AP1G1: variants seen among roughly 807,000 people sequenced by gnomAD.
AP1G1 encodes the protein adaptor related protein complex 1 subunit gamma 1, also known as AP-1 complex subunit gamma-1.
Under a neutral mutation model 108.3 loss-of-function variants are expected in AP1G1, and 7 were observed. The observed-to-expected ratio is 0.06, with a 90% confidence interval of 0.04 to 0.12. AP1G1 has a LOEUF of 0.12. Ranked by LOEUF, AP1G1 falls within the 10% of genes least tolerant of loss-of-function variation. The pLI is 1.00. For synonymous variants in AP1G1, 379 were observed against 353.5 expected (o/e 1.07, Z -0.81); for missense variants, 756 against 1,010.7 (o/e 0.75, Z 3.42).
chr16:71,765,430 G>T (rs2098886850), intron 7 of AP1G1, 59 bp downstream of exon 7: 6 of 1,234,958 alleles, frequency 4.9e-6, no homozygotes, highest in East Asian at 2.4e-5. Context: ...GAAGGAAATT[G>T]TCTACTTAAA....
intron 2 of AP1G1, among the ~76,000 whole-genome samples, chr16:71,785,575 CAAAAAAAAAA>C (rs71389702): frequency 2.7e-5 from 2 of 73,130 alleles, no homozygotes; most frequent in South Asian, 4.8e-4. Context: ...AACCCTGCCT[CAAAAAAAAAA>C]AAAAAAAAAA....
At chr16:71,808,289 G>C (rs1038693159) in intron 1 of AP1G1, 16 of 852,688 alleles carry the variant, frequency 1.9e-5, no homozygotes, top group Admixed American at 1.4e-4. Flanking sequence ...GGTTCCGAGA[G>C]GACGGCACTG....
rs759081766 is a variant in AP1G1 at position 71,753,042 on chromosome 16, T to TTC, written c.1284+789_1284+790dup. ...AATTTGCCTTTTAAATCGTAGACTG[T>TTC]TCCCCTTTTTGTTATTCAATTTTTA... On this transcript the variant is annotated intron_variant, in intron 13 of 22. Transcript: ENST00000299980. Among the ~76,000 whole-genome samples, 8 of 152,348 alleles carry TTC rather than the reference T, an allele frequency of 5.3e-5. No homozygotes were observed. In the East Asian group the frequency reaches 1.3e-3, roughly 26 times the overall value.
rs2045480755 is a variant in AP1G1, at chr16:71,732,102, T to A, written c.*956A>T. The A allele has an allele frequency of 6.6e-6, 1 of 152,310 alleles. No individual in the cohort carries two copies. The highest frequency in any genetic ancestry group is 6.5e-5 in the Admixed American group (1 of 15,284). 9.4% of individuals were successfully genotyped at this position (152,310 alleles called of 1,614,324 possible). ...ATCTTTGAAACTGGTGAACTCCTCTTCCACCCATTACCATAGTTCAAACAG... is the reference window on the plus strand; with the variant it reads ...ATCTTTGAAACTGGTGAACTCCTCTACCACCCATTACCATAGTTCAAACAG... On this transcript the variant is annotated 3_prime_UTR_variant, in exon 23 of 23. Coordinates refer to ENST00000299980, the MANE Select transcript of AP1G1 (RefSeq NM_001128.6).
chr16:71,756,132 C>G lies in AP1G1; in HGVS notation c.1116G>C (p.Leu372=). Reference sequence around the variant, plus strand: ...TGCCTCGGATATTATTCCCATTTACCAGGGCAAAACTCAATTCCATTGCAC... The same window carrying G: ...TGCCTCGGATATTATTCCCATTTACGAGGGCAAAACTCAATTCCATTGCAC... ...KRRAMELSFA[L]VNGNNIRGMM... Residue 372 remains leucine (L), a synonymous_variant, in exon 12 of 23, where the codon CTG becomes CTC. Coordinates refer to ENST00000299980, the MANE Select transcript of AP1G1 (RefSeq NM_001128.6). 1 of 1,612,610 alleles carries G rather than the reference C, an allele frequency of 6.2e-7. No homozygotes were observed. Among genetic ancestry groups the G allele is most frequent in the Non-Finnish European group, 8.5e-7 (1 of 1,179,534 alleles).
At chr16:71,786,098 C>CA (rs1315078592) in intron 2 of AP1G1, among the ~76,000 whole-genome samples, 6 of 152,068 alleles carry the variant, frequency 3.9e-5, no homozygotes, top group African/African-American at 1.2e-4. Flanking sequence ...CAGTCCCATT[C>CA]AGAAAAATAT....
chr16:71,757,906 A>C (rs1567647928), intron 11 of AP1G1, among the ~76,000 whole-genome samples: 1 of 152,196 alleles, frequency 6.6e-6, no homozygotes, highest in Non-Finnish European at 1.5e-5. Flanking sequence ...CATGGGACTG[A>C]ATTGTAACTA....
intron 1 of AP1G1, 61 bp from the exon 2 acceptor site, chr16:71,789,543 A>G: frequency 1.3e-6 from 2 of 1,482,344 alleles, no homozygotes; most frequent in South Asian, 1.2e-5. Flanking sequence ...AGCTATTCAC[A>G]CAACTTCCCA....
chr16:71,771,608 G>A lies in AP1G1; in HGVS notation c.469-356C>T, dbSNP rs1395896962. 2.0e-5 allele frequency among the ~76,000 whole-genome samples: 3 copies of A among 152,152 alleles called. No homozygotes were observed. In the East Asian group the frequency reaches 5.8e-4, roughly 29 times the overall value. On this transcript the variant is annotated intron_variant, in intron 4 of 22. Coordinates refer to ENST00000299980, the MANE Select transcript of AP1G1 (RefSeq NM_001128.6). ...ACTATTATATTAAAGAGATCTTCTA[G>A]TTCACCTCTCCCTTTGTTCATATAT...
chr16:71,763,002 T>C (rs1401715432), intron 9 of AP1G1, among the ~76,000 whole-genome samples: 3 of 152,086 alleles, frequency 2.0e-5, no homozygotes, highest in Non-Finnish European at 4.4e-5. Context: ...TGAATTCAAT[T>C]AGAAGATACC....
At chr16:71,766,411 C>T (rs2031315894) in intron 6 of AP1G1, 1 of 468,614 alleles carries the variant, frequency 2.1e-6, no homozygotes, top group Non-Finnish European at 4.4e-6. Flanking sequence ...TACTGCCAAG[C>T]CGAAGATGTT....
intron 1 of AP1G1, among the ~76,000 whole-genome samples, chr16:71,806,423 T>C (rs1004535949): frequency 6.6e-6 from 1 of 152,226 alleles, no homozygotes; most frequent in Non-Finnish European, 1.5e-5. Context: ...TTAAATATTT[T>C]GGTAGAGACG....
At chr16:71,778,928 C>CA (rs2031895850) in intron 2 of AP1G1, among the ~76,000 whole-genome samples, 1 of 152,024 alleles carries the variant, frequency 6.6e-6, no homozygotes, top group Admixed American at 6.6e-5. Context: ...GTAACAATCT[C>CA]AAATATTTCA....
At chr16:71,793,368 C>CTACTTT (rs2032471486) in intron 1 of AP1G1, among the ~76,000 whole-genome samples, 1 of 152,138 alleles carries the variant, frequency 6.6e-6, no homozygotes, top group South Asian at 2.1e-4. Flanking sequence ...TAGAAGTCCT[C>CTACTTT]ATTCAGCCCG....
intron 1 of AP1G1, among the ~76,000 whole-genome samples, chr16:71,805,855 T>C (rs1367555331): frequency 2.0e-5 from 3 of 151,704 alleles, no homozygotes; most frequent in Admixed American, 2.0e-4. Flanking sequence ...ACACTATCTA[T>C]ACAAAAAATA....
chr16:71,795,970 C>A (rs1380039308), intron 1 of AP1G1, among the ~76,000 whole-genome samples: 1 of 152,206 alleles, frequency 6.6e-6, no homozygotes, highest in Non-Finnish European at 1.5e-5. Context: ...GGCGTGGTGG[C>A]TCACGCCTGT....
At chr16:71,763,101 T>C (rs547893325) in intron 9 of AP1G1, among the ~76,000 whole-genome samples, 17 of 152,144 alleles carry the variant, frequency 1.1e-4, no homozygotes, top group Non-Finnish European at 2.1e-4. Context: ...GAGCTGGACA[T>C]GATGGCTCAC....
chr16:71,751,574 A>G (rs1276845571), intron 13 of AP1G1, among the ~76,000 whole-genome samples: 3 of 152,160 alleles, frequency 2.0e-5, no homozygotes, highest in Admixed American at 6.5e-5. Flanking sequence ...TCAGAAGGAA[A>G]GGTGAGAAGC....
At chr16:71,786,592 C>A (rs1441921701) in intron 2 of AP1G1, among the ~76,000 whole-genome samples, 3 of 152,112 alleles carry the variant, frequency 2.0e-5, no homozygotes, top group Non-Finnish European at 4.4e-5. Flanking sequence ...TCCTGAGTAG[C>A]TGGGACTACA....
Sources: allele counts gnomAD v4.1 joint callset (sites outside exome capture counted in the v4.1 genomes callset), GRCh38; gene constraint gnomAD v4.1.1; transcripts MANE v1.5; gene names NCBI Gene and HGNC (gene_info 2026-07-23, HGNC 2026-07-21).